Variants in ZDHHC21 observed in about 807,000 individuals in gnomAD.
The protein encoded by ZDHHC21 is palmitoyltransferase ZDHHC21.
Under a neutral mutation model 34.6 loss-of-function variants are expected in ZDHHC21, and 15 were observed. That is an observed-to-expected ratio of 0.43 (90% CI 0.29 to 0.67). The LOEUF is 0.67. ZDHHC21 is among the 30% of genes least tolerant of loss of function. The pLI is 0.14. For synonymous variants in ZDHHC21, 142 were observed against 101.8 expected (o/e 1.40, Z -2.38); for missense variants, 344 against 327.7 (o/e 1.05, Z -0.38).
Position 14,619,069 on chromosome 9 carries a change from G to T in ZDHHC21, c.695C>A (p.Thr232Asn). ...ACGAGTGCCAAAAACTTCTGAGAAG[G>T]TCTGCTGCCATGGCTTTCGGGGCCT... ...ISRPRKPWQQ[T>N]FSEVFGTRWK... Residue 232 changes from threonine to asparagine, a missense_variant, in exon 10 of 10, where the codon ACC becomes AAC. Physicochemically the swap from Thr to Asn is moderately conservative, Grantham distance 65. Coordinates refer to ENST00000380916, the MANE Select transcript of ZDHHC21 (RefSeq NM_178566.6). 3.1e-6 allele frequency: 5 copies of T among 1,611,634 alleles called. No homozygotes were observed. The highest frequency in any genetic ancestry group is 4.2e-6 in the Non-Finnish European group (5 of 1,178,796).
intron 8 of ZDHHC21, among the ~76,000 whole-genome samples, chr9:14,624,424 G>A (rs1825861222): frequency 6.6e-6 from 1 of 152,046 alleles, no homozygotes; most frequent in South Asian, 2.1e-4. Context: ...ATCAACCTGT[G>A]TCTAACAGCA....
chr9:14,613,689 G>T lies in ZDHHC21; in HGVS notation c.*5277C>A, dbSNP rs998408812. The T allele has an allele frequency of 1.3e-5, 2 of 151,730 alleles. No individual in the cohort carries two copies. The highest frequency in any genetic ancestry group is 4.8e-5 in the African/African-American group (2 of 41,366). 9.4% of individuals were successfully genotyped at this position (151,730 alleles called of 1,614,324 possible). A position where few individuals can be genotyped will look rare whatever the true frequency, so the allele number is the denominator to read the frequency against. Reference sequence around the variant, plus strand: ...ACCAATAGAAATGGAGACCTTCGAGGTATCAAGAACTCCAAAATATCCCAA... The same window carrying T: ...ACCAATAGAAATGGAGACCTTCGAGTTATCAAGAACTCCAAAATATCCCAA... On this transcript the variant is annotated 3_prime_UTR_variant, in exon 10 of 10. Coordinates refer to ENST00000380916, the MANE Select transcript of ZDHHC21 (RefSeq NM_178566.6).
chr9:14,639,079 C>G (rs1456265885), intron 8 of ZDHHC21, among the ~76,000 whole-genome samples: 1 of 152,034 alleles, frequency 6.6e-6, no homozygotes, highest in Non-Finnish European at 1.5e-5. Context: ...CAGCACTATT[C>G]ACAAGAGCAA....
At chr9:14,592,090 G>A in the ZDHHC21 span, among the ~76,000 whole-genome samples, 2 of 151,822 alleles carry the variant, frequency 1.3e-5, no homozygotes, top group African/African-American at 4.8e-5. Context: ...TTTACAATTA[G>A]TTTTTCTGTG....
chr9:14,619,616 A>C, intron 9 of ZDHHC21, 23 bp downstream of exon 9: 1 of 1,391,706 alleles, frequency 7.2e-7, no homozygotes. Flanking sequence ...AAATAATACT[A>C]TACACTTCAG....
intron 2 of ZDHHC21, among the ~76,000 whole-genome samples, chr9:14,681,518 T>A (rs1208926040): frequency 6.6e-6 from 1 of 152,160 alleles, no homozygotes; most frequent in Non-Finnish European, 1.5e-5. Flanking sequence ...TGGAACACAG[T>A]GGAAAACCAC....
intron 8 of ZDHHC21, among the ~76,000 whole-genome samples, chr9:14,632,064 AACAC>A (rs760320176): frequency 2.1e-4 from 29 of 135,056 alleles, no homozygotes; most frequent in African/African-American, 5.9e-4. Flanking sequence ...AACACACACA[AACAC>A]ACACACACAC....
At chr9:14,635,289 T>A (rs1828072047) in intron 8 of ZDHHC21, among the ~76,000 whole-genome samples, 1 of 152,182 alleles carries the variant, frequency 6.6e-6, no homozygotes, top group African/African-American at 2.4e-5. Flanking sequence ...TGAAAACTTC[T>A]CAAGTCTAGC....
the ZDHHC21 span, among the ~76,000 whole-genome samples, chr9:14,592,224 T>G: frequency 6.6e-6 from 1 of 152,118 alleles, no homozygotes; most frequent in Non-Finnish European, 1.5e-5. Context: ...TCTTAGCAGT[T>G]AGTGTAACAA....
rs192916115 is a variant in ZDHHC21 at position 14,668,555 on chromosome 9, G to A, written c.253+4275C>T. On this transcript the variant is annotated intron_variant, in intron 5 of 9. Coordinates refer to ENST00000380916, the MANE Select transcript of ZDHHC21 (RefSeq NM_178566.6). ...GCCCGCATTGCCAAGTCAATCCTAAGCCAAAAGAACAAAGCTGGAGGAATC... is the reference window on the plus strand; with the variant it reads ...GCCCGCATTGCCAAGTCAATCCTAAACCAAAAGAACAAAGCTGGAGGAATC... Among the ~76,000 whole-genome samples, 720 of 149,626 alleles carry A rather than the reference G, an allele frequency of 4.8e-3. 4 individuals carry two copies. Among genetic ancestry groups the A allele is most frequent in the African/African-American group, 0.016 (638 of 40,126 alleles).
In ZDHHC21 at chr9:14,639,045, A is replaced by T. The variant is rs62532737; in HGVS notation, c.621+851T>A. On this transcript the variant is annotated intron_variant, in intron 8 of 9. Transcript: ENST00000380916. ...AAAAAACAATCAGTATATCAAAGGG[A>T]TGCCTGCACTTGCACGTTTATCACA... 7.8e-4 allele frequency among the ~76,000 whole-genome samples: 119 copies of T among 152,220 alleles called. 1 individual carries two copies. Among genetic ancestry groups the T allele is most frequent in the Non-Finnish European group, 1.0e-3 (70 of 67,946 alleles).
At chr9:14,624,069 T>C (rs1333690827) in intron 8 of ZDHHC21, among the ~76,000 whole-genome samples, 1 of 152,024 alleles carries the variant, frequency 6.6e-6, no homozygotes, top group East Asian at 1.9e-4. Context: ...CAATCAACCA[T>C]GGATCGAAAA....
chr9:14,682,146 A>C (rs1180131326), intron 2 of ZDHHC21, among the ~76,000 whole-genome samples: 1 of 152,190 alleles, frequency 6.6e-6, no homozygotes, highest in African/African-American at 2.4e-5. Context: ...CAAGCAAAAT[A>C]ACCAGCTAAC....
chr9:14,664,197 GA>G (rs1205180215), intron 5 of ZDHHC21, among the ~76,000 whole-genome samples: 2 of 146,804 alleles, frequency 1.4e-5, no homozygotes, highest in Admixed American at 6.7e-5. Context: ...CCTCACTCGG[GA>G]AGCGCAAGGG....
chr9:14,625,042 C>CT (rs1157906297), intron 8 of ZDHHC21, among the ~76,000 whole-genome samples: 3 of 152,014 alleles, frequency 2.0e-5, no homozygotes, highest in Non-Finnish European at 4.4e-5. Flanking sequence ...CTAAGAAAGA[C>CT]TTTCATTTCA....
chr9:14,692,153 T>C (rs1385608153), intron 1 of ZDHHC21, among the ~76,000 whole-genome samples: 1 of 152,198 alleles, frequency 6.6e-6, no homozygotes, highest in African/African-American at 2.4e-5. Context: ...ACAGAGCATC[T>C]CTCCGAATTT....
At chr9:14,627,647 T>C (rs569807200) in intron 8 of ZDHHC21, among the ~76,000 whole-genome samples, 4 of 152,158 alleles carry the variant, frequency 2.6e-5, no homozygotes, top group African/African-American at 9.7e-5. Context: ...AATGCTTGTA[T>C]ATAAAAATTA....
intron 8 of ZDHHC21, among the ~76,000 whole-genome samples, chr9:14,632,853 C>G (rs893732150): frequency 3.3e-5 from 5 of 151,972 alleles, no homozygotes; most frequent in Admixed American, 1.3e-4. Context: ...CATTAGATCA[C>G]CAGGGAAATG....
chr9:14,676,158 T>A (rs1318122085), intron 3 of ZDHHC21, among the ~76,000 whole-genome samples: 1 of 151,900 alleles, frequency 6.6e-6, no homozygotes, highest in African/African-American at 2.4e-5. Flanking sequence ...AAGACAGAGG[T>A]CCATTAGGCT....
Sources: allele counts gnomAD v4.1 joint callset (sites outside exome capture counted in the v4.1 genomes callset), GRCh38; gene constraint gnomAD v4.1.1; transcripts MANE v1.5; gene names NCBI Gene and HGNC (gene_info 2026-07-23, HGNC 2026-07-21).